The following MROH9 variants were observed in gnomAD, a reference collection of about 807,000 sequenced individuals.
MROH9 encodes the protein maestro heat like repeat family member 9, also known as maestro heat-like repeat-containing protein family member 9.
In MROH9, 92 loss-of-function variants were observed where a neutral mutation model predicts 98.2. That is an observed-to-expected ratio of 0.94 (90% confidence interval 0.79 to 1.11). The LOEUF is 1.11. MROH9 is among the 50% of genes most tolerant of loss of function. The pLI is 0.00. For synonymous variants in MROH9, 397 were observed against 368.9 expected (o/e 1.08, Z -0.87); for missense variants, 1,057 against 1,014.8 (o/e 1.04, Z -0.57).
At chr1:170,958,602 T>G (rs1649885500) in intron 4 of MROH9, 62 bp downstream of exon 4, 1 of 1,132,116 alleles carries the variant, frequency 8.8e-7, no homozygotes, top group African/African-American at 1.6e-5. Flanking sequence ...TGTTATATCT[T>G]TAAAAACATG....
chr1:171,014,383 C>A, intron 16 of MROH9, 129 bp downstream of exon 16: 1 of 798,466 alleles, frequency 1.3e-6, no homozygotes, highest in Non-Finnish European at 1.8e-6. Flanking sequence ...CATATCAAAG[C>A]CTGCTGTTTT....
chr1:171,009,999 G>A (rs1017444462), intron 15 of MROH9, among the ~76,000 whole-genome samples: 2 of 152,050 alleles, frequency 1.3e-5, no homozygotes, highest in African/African-American at 4.8e-5. Context: ...TGCAGAATGT[G>A]CAGTTTTGTT....
intron 20 of MROH9, among the ~76,000 whole-genome samples, chr1:171,056,777 C>G (rs1366461727): frequency 6.6e-6 from 1 of 152,194 alleles, no homozygotes; most frequent in Non-Finnish European, 1.5e-5. Flanking sequence ...CTTTGCTGTT[C>G]TCCAGCCTCC....
rs1420727488 is a variant in MROH9, at chr1:171,036,766, C to T, written c.2281+11346C>T. On this transcript the variant is annotated intron_variant, in intron 20 of 21. Coordinates refer to ENST00000367759, the MANE Select transcript of MROH9 (RefSeq NM_001163629.2). ...TAAATAAACGCTATCTTTACACTCA[C>T]CAGAATAGATGAATACAAAAATAAA... Among the ~76,000 whole-genome samples, 203 of 149,656 alleles carry T rather than the reference C, an allele frequency of 1.4e-3. 5 individuals are homozygous for T. Among genetic ancestry groups the T allele is most frequent in the East Asian group, 1.9e-4 (1 of 5,148 alleles).
chr1:170,973,848 C>T (rs1650578067), intron 8 of MROH9, among the ~76,000 whole-genome samples: 1 of 152,180 alleles, frequency 6.6e-6, no homozygotes, highest in South Asian at 2.1e-4. Flanking sequence ...GTACTCCAGC[C>T]TGGGCGATAG....
intron 15 of MROH9, among the ~76,000 whole-genome samples, chr1:171,010,108 T>C (rs1652099297): frequency 6.6e-6 from 1 of 152,076 alleles, no homozygotes; most frequent in Non-Finnish European, 1.5e-5. Context: ...AGCCCCCAAC[T>C]CCCTGAAAGG....
At chr1:170,941,374 G>A (rs1410028998) in intron 1 of MROH9, among the ~76,000 whole-genome samples, 7 of 152,104 alleles carry the variant, frequency 4.6e-5, no homozygotes, top group Non-Finnish European at 1.0e-4. Context: ...TTAAGCCTGG[G>A]AAATGACTGA....
intron 18 of MROH9, 43 bp from the exon 19 acceptor site, chr1:171,024,603 TAAC>T (rs1212415103): frequency 7.8e-6 from 12 of 1,532,140 alleles, no homozygotes; most frequent in Non-Finnish European, 8.8e-7. Flanking sequence ...ATGTTTTATC[TAAC>T]AACAGATGAA....
chr1:171,005,563 C>G (rs1651926801), intron 15 of MROH9, among the ~76,000 whole-genome samples: 1 of 152,024 alleles, frequency 6.6e-6, no homozygotes, highest in East Asian at 1.9e-4. Context: ...TTTTCTTAAT[C>G]TTTTTCATAT....
intron 5 of MROH9, among the ~76,000 whole-genome samples, chr1:170,960,535 C>G (rs996424483): frequency 1.3e-5 from 2 of 152,184 alleles, no homozygotes; most frequent in Non-Finnish European, 2.9e-5. Flanking sequence ...ACCCACATAG[C>G]ATACAATTTC....
intron 10 of MROH9, among the ~76,000 whole-genome samples, chr1:170,989,099 G>T (rs551092074): frequency 2.0e-5 from 3 of 151,962 alleles, no homozygotes; most frequent in African/African-American, 7.2e-5. Context: ...GTAACTGCAG[G>T]GTAATGTAAA....
intron 15 of MROH9, among the ~76,000 whole-genome samples, chr1:171,006,821 A>T (rs1232454145): frequency 1.4e-5 from 2 of 148,084 alleles, no homozygotes; most frequent in Non-Finnish European, 3.0e-5. Flanking sequence ...CTGTTTTGTT[A>T]TTTTTTTTTT....
At chr1:171,003,175 G>A (rs1391184238) in intron 15 of MROH9, among the ~76,000 whole-genome samples, 1 of 151,594 alleles carries the variant, frequency 6.6e-6, no homozygotes, top group Admixed American at 6.6e-5. Flanking sequence ...TCCTTGCATT[G>A]GGCTTTGCCT....
chr1:171,011,868 T>C (rs1389423214), intron 15 of MROH9, among the ~76,000 whole-genome samples: 1 of 151,076 alleles, frequency 6.6e-6, no homozygotes, highest in Non-Finnish European at 1.5e-5. Flanking sequence ...GGCAATAGGC[T>C]TATTAATTCT....
intron 12 of MROH9, among the ~76,000 whole-genome samples, chr1:170,994,006 T>C (rs1651461582): frequency 6.6e-6 from 1 of 152,218 alleles, no homozygotes; most frequent in African/African-American, 2.4e-5. Context: ...GTTCTAATTA[T>C]TTTTATGCAT....
chr1:171,036,764 C>T (rs1653110807), intron 20 of MROH9, among the ~76,000 whole-genome samples: 1 of 150,108 alleles, frequency 6.7e-6, no homozygotes. Flanking sequence ...TCTTTACACT[C>T]ACCAGAATAG....
intron 7 of MROH9, 76 bp downstream of exon 7, chr1:170,965,331 T>G (rs1023250692): frequency 2.0e-6 from 2 of 1,019,538 alleles, no homozygotes; most frequent in Non-Finnish European, 3.1e-6. Context: ...ATGTCTTGGG[T>G]CCTAACAGTA....
intron 8 of MROH9, among the ~76,000 whole-genome samples, chr1:170,972,875 T>C (rs1251105819): frequency 4.2e-5 from 6 of 142,208 alleles, no homozygotes. Flanking sequence ...TTTCAATTCA[T>C]TGCACATTAA....
intron 20 of MROH9, among the ~76,000 whole-genome samples, chr1:171,051,974 G>T (rs1011015630): frequency 3.3e-5 from 5 of 151,908 alleles, no homozygotes; most frequent in Non-Finnish European, 4.4e-5. Flanking sequence ...AATAGAATTG[G>T]TATCAGTTAT....
Sources: gnomAD v4.1 joint callset for allele counts (sites outside exome capture counted in the v4.1 genomes callset) on GRCh38, gnomAD v4.1.1 for gene constraint, MANE v1.5 for transcripts, NCBI Gene and HGNC (gene_info 2026-07-23, HGNC 2026-07-21) for gene names.